The following MRPL47 variants were observed in gnomAD, a reference collection of about 807,000 sequenced individuals.
MRPL47 encodes large ribosomal subunit protein uL29m.
Under a neutral mutation model 34.0 loss-of-function variants are expected in MRPL47, and 31 were observed. The observed-to-expected ratio is 0.91, with a 90% CI of 0.68 to 1.23. The LOEUF is 1.23. Among genes scored for constraint, MRPL47 ranks in the 50% most tolerant of loss-of-function variants. The probability of loss-of-function intolerance (pLI) is 0.00; values close to 1 mark genes in which losing one functional copy is unlikely to be tolerated. For synonymous variants in MRPL47, 106 were observed against 101.6 expected (o/e 1.04, Z -0.26); for missense variants, 328 against 285.8 (o/e 1.15, Z -1.07).
chr3:179,601,722 A>C lies in MRPL47; in HGVS notation c.305+8T>G, dbSNP rs1180417262. On this transcript the variant is annotated splice_region_variant and intron_variant, in intron 3 of 6. Transcript: ENST00000476781. ...ACGTCTAGATGTTAATGTACTTAGT[A>C]TACTTACCAAAGTTTGTGTAAATCT... is the stretch of plus-strand genomic sequence containing the variant. The C allele has an allele frequency of 6.4e-7, 1 of 1,567,196 alleles. No homozygotes were observed. Among genetic ancestry groups the C allele is most frequent in the East Asian group, 2.2e-5 (1 of 44,570 alleles).
In MRPL47 at chr3:179,588,722, A is replaced by AATT. The variant is rs1718586360; in HGVS notation, c.*147_*149dup. The AATT allele has an allele frequency of 3.1e-6, 2 of 643,810 alleles. No homozygotes were observed. The highest frequency in any genetic ancestry group is 3.0e-5 in the Admixed American group (1 of 32,910). The allele number at this position is 643,810 out of a possible 1,614,324, so 39.9% of individuals were successfully genotyped here. A position where few individuals can be genotyped will look rare whatever the true frequency, so the allele number is the denominator to read the frequency against. On this transcript the variant is annotated 3_prime_UTR_variant, in exon 7 of 7. Coordinates refer to ENST00000476781, the MANE Select transcript of MRPL47 (RefSeq NM_020409.3). ...CAAATTAGCTTCTACCAAATTAGCT[A>AATT]ATTAGCATGCCATATTCACACTTAG...
chr3:179,593,965 T>A, intron 4 of MRPL47, 70 bp from the exon 5 acceptor site: 1 of 1,374,548 alleles, frequency 7.3e-7, no homozygotes. Context: ...AGAGAATGTA[T>A]AAACACTTCT....
chr3:179,597,301 C>G (rs1371396803), intron 4 of MRPL47, among the ~76,000 whole-genome samples: 2 of 152,048 alleles, frequency 1.3e-5, no homozygotes, highest in Non-Finnish European at 2.9e-5. Flanking sequence ...TGATTTTCTC[C>G]AGGGATCGTT....
intron 4 of MRPL47, among the ~76,000 whole-genome samples, chr3:179,594,375 G>A (rs368513546): frequency 1.3e-5 from 2 of 152,168 alleles, no homozygotes; most frequent in South Asian, 4.1e-4. Flanking sequence ...ATCCAGATAT[G>A]AATCTCCAAA....
At chr3:179,593,385 C>T (rs953811077) in intron 5 of MRPL47, among the ~76,000 whole-genome samples, 2 of 152,184 alleles carry the variant, frequency 1.3e-5, no homozygotes, top group African/African-American at 4.8e-5. Context: ...GGTGTGTGTC[C>T]TGAAGTTAGC....
In MRPL47 at chr3:179,597,403, T is replaced by C. The variant is rs200924126; in HGVS notation, c.402+1272A>G. The stretch of plus-strand genomic sequence containing the variant: ...AGTAGCTAAGGTTAGGTAGCAGGAC[T>C]AATGCTATTATAAAAACTGAGTTCT... On this transcript the variant is annotated intron_variant, in intron 4 of 6. Transcript: ENST00000476781. Among the ~76,000 whole-genome samples, 3 of 152,318 alleles carry C rather than the reference T, an allele frequency of 2.0e-5. No individual in the cohort carries two copies. In the East Asian group the frequency reaches 5.8e-4, roughly 29 times the overall value.
rs1331493168 is a variant in MRPL47 at position 179,601,305 on chromosome 3, G to A, written c.305+425C>T. Among the ~76,000 whole-genome samples the A allele has an allele frequency of 2.6e-5, 4 of 152,188 alleles. No homozygotes were observed. In the East Asian group the frequency reaches 5.8e-4, roughly 22 times the overall value. On this transcript the variant is annotated intron_variant, in intron 3 of 6. Transcript: ENST00000476781. ...TACCTGTGGTCCCAGATACTCAGGA[G>A]GCTGAGGTGGGGGATCACTTGAGCC...
intron 5 of MRPL47, among the ~76,000 whole-genome samples, chr3:179,593,247 T>A (rs1054833278): frequency 6.6e-6 from 1 of 152,170 alleles, no homozygotes; most frequent in Non-Finnish European, 1.5e-5. Flanking sequence ...GTATAAAAAA[T>A]AAACTACTTC....
At chr3:179,601,213 G>A (rs1365213698) in intron 3 of MRPL47, among the ~76,000 whole-genome samples, 1 of 152,168 alleles carries the variant, frequency 6.6e-6, no homozygotes, top group Admixed American at 6.5e-5. Flanking sequence ...AGTGAGAGCA[G>A]CCTGGGTAAC....
At chr3:179,596,230 T>A (rs1718785058) in intron 4 of MRPL47, among the ~76,000 whole-genome samples, 1 of 152,236 alleles carries the variant, frequency 6.6e-6, no homozygotes, top group Non-Finnish European at 1.5e-5. Context: ...CAACTGGATA[T>A]CAACTCACAT....
Position 179,592,653 on chromosome 3 carries a change from T to C in MRPL47, c.620A>G (p.His207Arg), listed in dbSNP as rs1276852654. The C allele has an allele frequency of 1.9e-6, 3 of 1,606,686 alleles. No individual in the cohort carries two copies. Among genetic ancestry groups the C allele is most frequent in the Admixed American group, 3.3e-5 (2 of 59,970 alleles). The change falls in exon 6 of 7, where the codon CAT becomes CGT. Residue 207 changes from histidine to arginine, a missense_variant. His to Arg is a conservative substitution (Grantham distance 29, BLOSUM62 0). Coordinates refer to ENST00000476781, the MANE Select transcript of MRPL47 (RefSeq NM_020409.3). The stretch of plus-strand genomic sequence containing the variant: ...AGGTGCTTGTGCTCACCTGAGAAAA[T>C]GGTCCACATAAGGCAAGGCAAAGAA... ...KRFFALPYVD[H>R]FLRLEREKRA...
rs142273044 is a variant in MRPL47, at chr3:179,588,960, C to T, written c.665G>A (p.Arg222Gln). ...TTTCTTTCTCTCTAAATTTTCCTTCCGTGCTTTGATGCGGGCTCGTTTCTC... is the reference window on the plus strand; with the variant it reads ...TTTCTTTCTCTCTAAATTTTCCTTCTGTGCTTTGATGCGGGCTCGTTTCTC... The part of the protein sequence containing the change: ...EREKRARIKA[R>Q]KENLERKKAK... Residue 222 changes from arginine to glutamine, a missense_variant, in exon 7 of 7, where the codon CGG (arginine) becomes CAG (glutamine). By Grantham distance (43) the Arg-to-Gln change is conservative (BLOSUM62 1). Coordinates refer to ENST00000476781, the MANE Select transcript of MRPL47 (RefSeq NM_020409.3). 2,875 of 1,613,418 alleles carry T rather than the reference C, an allele frequency of 1.8e-3. 6 individuals carry two copies. The highest frequency in any genetic ancestry group is 2.3e-3 in the Non-Finnish European group (2,673 of 1,179,690).
chr3:179,590,331 C>A (rs113041545), intron 6 of MRPL47, among the ~76,000 whole-genome samples: 13,140 of 150,296 alleles, frequency 0.087, 604 homozygotes, highest in South Asian at 0.16. Flanking sequence ...GAGCAAGACT[C>A]CATCTCAAAA....
chr3:179,601,906 G>A (rs770754517), intron 2 of MRPL47, 116 bp from the exon 3 acceptor site: 1 of 656,006 alleles, frequency 1.5e-6, no homozygotes, highest in Non-Finnish European at 2.7e-6. Context: ...ATATATAACA[G>A]CTTTTTTATA....
At chr3:179,594,012 C>T in intron 4 of MRPL47, 117 bp from the exon 5 acceptor site, 1 of 941,556 alleles carries the variant, frequency 1.1e-6, no homozygotes, top group Non-Finnish European at 1.6e-6. Context: ...GCCAAAGAAC[C>T]ACTCTGTTAA....
At chr3:179,599,800 G>A (rs1464861809) in intron 3 of MRPL47, among the ~76,000 whole-genome samples, 2 of 152,196 alleles carry the variant, frequency 1.3e-5, no homozygotes, top group Non-Finnish European at 2.9e-5. Context: ...GAGCTAAAGT[G>A]AAGGCAGATT....
At position 179,597,609 on chromosome 3, in the gene MRPL47, C is replaced by T. The variant is rs186964079; in HGVS notation, c.402+1066G>A. Among the ~76,000 whole-genome samples, 18 of 152,162 alleles carry T rather than the reference C, an allele frequency of 1.2e-4. No individual in the cohort carries two copies. The East Asian group carries it at 3.3e-3, about 28-fold the overall frequency. On this transcript the variant is annotated intron_variant, in intron 4 of 6. Coordinates refer to ENST00000476781, the MANE Select transcript of MRPL47 (RefSeq NM_020409.3). ...AGATCACGAGGTCAGGAGTTCAAGACCAGCCTGGCCAACATGGTAAAACCC... is the reference window on the plus strand; with the variant it reads ...AGATCACGAGGTCAGGAGTTCAAGATCAGCCTGGCCAACATGGTAAAACCC...
intron 6 of MRPL47, 119 bp downstream of exon 6, chr3:179,592,525 A>G: frequency 1.6e-6 from 1 of 634,970 alleles, no homozygotes; most frequent in Non-Finnish European, 2.7e-6. Flanking sequence ...TACTTATGTA[A>G]TAACAGAAAT....
At chr3:179,596,739 C>T in intron 4 of MRPL47, among the ~76,000 whole-genome samples, 1 of 152,160 alleles carries the variant, frequency 6.6e-6, no homozygotes, top group East Asian at 1.9e-4. Context: ...GCAGCCTCAA[C>T]CTCCCAGGCC....
Sources: allele counts gnomAD v4.1 joint callset (sites outside exome capture counted in the v4.1 genomes callset), GRCh38; gene constraint gnomAD v4.1.1; transcripts MANE v1.5; gene names NCBI Gene and HGNC (gene_info 2026-07-23, HGNC 2026-07-21).